Variants in PCDH9 observed in about 807,000 individuals in gnomAD.
PCDH9 encodes the protein protocadherin-9.
In PCDH9, 24 loss-of-function variants were observed where a neutral mutation model predicts 70.6. The observed-to-expected ratio is 0.34, with a 90% CI of 0.25 to 0.48. The LOEUF is 0.48. Among genes scored for constraint, PCDH9 ranks in the 20% least tolerant of loss-of-function variants. PCDH9 has a pLI of 0.99. For missense variants in PCDH9, 1,281 were observed against 1,503.6 expected (o/e 0.85, Z 2.45); for synonymous variants, 562 against 558.5 (o/e 1.01, Z -0.09).
At chr13:67,168,801 C>T (rs570131283) in intron 2 of PCDH9, among the ~76,000 whole-genome samples, 1 of 152,264 alleles carries the variant, frequency 6.6e-6, no homozygotes, top group Admixed American at 6.5e-5. Context: ...TTATCAATTA[C>T]AATCATTTAA....
chr13:67,007,102 T>C (rs112727203), intron 2 of PCDH9, among the ~76,000 whole-genome samples: 201 of 138,932 alleles, frequency 1.4e-3, no homozygotes, highest in African/African-American at 4.8e-3. Flanking sequence ...TCAAAACTTA[T>C]TCTGAATTTT....
intron 3 of PCDH9, among the ~76,000 whole-genome samples, chr13:66,881,746 C>G (rs980976227): frequency 6.6e-6 from 1 of 152,040 alleles, no homozygotes; most frequent in African/African-American, 2.4e-5. Context: ...ATTTCCAATG[C>G]CTTCTATAAA....
chr13:67,069,169 A>T (rs933130211), intron 2 of PCDH9, among the ~76,000 whole-genome samples: 3 of 152,170 alleles, frequency 2.0e-5, no homozygotes, highest in Non-Finnish European at 4.4e-5. Context: ...AATTTTCATA[A>T]AACTTTATCA....
At chr13:66,429,939 T>C (rs1033454856) in intron 4 of PCDH9, among the ~76,000 whole-genome samples, 1 of 152,016 alleles carries the variant, frequency 6.6e-6, no homozygotes, top group African/African-American at 2.4e-5. Flanking sequence ...GATCTTCCTC[T>C]TTACCCATAA....
In PCDH9 at chr13:67,203,576, T is replaced by A. The variant is rs577389116; in HGVS notation, c.3036+21829A>T. On this transcript the variant is annotated intron_variant, in intron 2 of 4. Coordinates refer to ENST00000377865, the MANE Select transcript of PCDH9 (RefSeq NM_203487.3). Reference sequence around the variant, plus strand: ...TGTAAAGGTGATACCAAATAAGTCATTTTAATATTGCTGTAGTTTACTTTT... The same window carrying A: ...TGTAAAGGTGATACCAAATAAGTCAATTTAATATTGCTGTAGTTTACTTTT... The A allele has an allele frequency of 4.6e-5, 7 of 152,144 alleles. No homozygotes were observed. The East Asian group carries it at 1.3e-3, about 29-fold the overall frequency. The allele number at this position is 152,144 out of a possible 1,614,324, so 9.4% of individuals were successfully genotyped here.
At chr13:67,043,503 A>G (rs2085163073) in intron 2 of PCDH9, among the ~76,000 whole-genome samples, 1 of 152,150 alleles carries the variant, frequency 6.6e-6, no homozygotes, top group African/African-American at 2.4e-5. Flanking sequence ...ATACAGGGAT[A>G]AAATATATAG....
intron 4 of PCDH9, among the ~76,000 whole-genome samples, chr13:66,462,488 T>C (rs1958443062): frequency 6.6e-6 from 1 of 151,860 alleles, no homozygotes; most frequent in South Asian, 2.1e-4. Flanking sequence ...AAATTATCTA[T>C]GATCACATCT....
chr13:66,363,320 AT>A (rs1442499126), intron 4 of PCDH9, among the ~76,000 whole-genome samples: 5 of 152,186 alleles, frequency 3.3e-5, no homozygotes, highest in Non-Finnish European at 2.9e-5. Flanking sequence ...GAAATTTAGG[AT>A]ACAATATATT....
chr13:66,482,345 A>G (rs1958856406), intron 4 of PCDH9, among the ~76,000 whole-genome samples: 1 of 152,194 alleles, frequency 6.6e-6, no homozygotes, highest in African/African-American at 2.4e-5. Context: ...AGTTCCAGGA[A>G]TAACATCTGA....
intron 3 of PCDH9, among the ~76,000 whole-genome samples, chr13:66,778,462 C>T (rs1159546965): frequency 1.3e-5 from 2 of 152,086 alleles, no homozygotes; most frequent in African/African-American, 2.4e-5. Context: ...CGTCTCATTC[C>T]TCTATCATGG....
At chr13:66,638,946 A>G (rs574779136) in intron 3 of PCDH9, among the ~76,000 whole-genome samples, 16 of 152,310 alleles carry the variant, frequency 1.1e-4, no homozygotes, top group African/African-American at 2.9e-4. Flanking sequence ...GAAGATTTGG[A>G]GACAAATGGG....
chr13:67,046,579 T>C (rs1432401908), intron 2 of PCDH9, among the ~76,000 whole-genome samples: 5 of 151,982 alleles, frequency 3.3e-5, no homozygotes, highest in Admixed American at 2.0e-4. Flanking sequence ...GGATCTAGGA[T>C]TTTTTTTCAT....
At chr13:66,551,173 A>G (rs1205717443) in intron 4 of PCDH9, among the ~76,000 whole-genome samples, 1 of 152,066 alleles carries the variant, frequency 6.6e-6, no homozygotes, top group African/African-American at 2.4e-5. Flanking sequence ...CTTTACTTTG[A>G]GGTGATGTGT....
chr13:67,141,435 T>C (rs1324151304), intron 2 of PCDH9, among the ~76,000 whole-genome samples: 5 of 150,970 alleles, frequency 3.3e-5, no homozygotes, highest in African/African-American at 1.2e-4. Context: ...CTCTCTCTCT[T>C]TATTTTATTA....
At chr13:66,669,349 C>A (rs1404974994) in intron 3 of PCDH9, among the ~76,000 whole-genome samples, 2 of 152,130 alleles carry the variant, frequency 1.3e-5, no homozygotes, top group Admixed American at 1.3e-4. Context: ...GAAGATGAAC[C>A]AGTTTCCAGC....
At chr13:66,462,192 G>A (rs1345636567) in intron 4 of PCDH9, among the ~76,000 whole-genome samples, 1 of 151,748 alleles carries the variant, frequency 6.6e-6, no homozygotes, top group African/African-American at 2.4e-5. Context: ...GAAAAAAACT[G>A]CACACAGTGC....
chr13:66,403,409 A>G (rs556797109), intron 4 of PCDH9, among the ~76,000 whole-genome samples: 7 of 152,190 alleles, frequency 4.6e-5, no homozygotes, highest in African/African-American at 1.7e-4. Context: ...AGCTTCCCAA[A>G]GTTTGGATGT....
At chr13:66,333,151 G>T (rs1303172167) in intron 4 of PCDH9, among the ~76,000 whole-genome samples, 1 of 152,104 alleles carries the variant, frequency 6.6e-6, no homozygotes, top group African/African-American at 2.4e-5. Flanking sequence ...AATGTAAAAA[G>T]ACAAGAATGA....
intron 2 of PCDH9, among the ~76,000 whole-genome samples, chr13:67,135,443 A>G (rs1219006733): frequency 1.3e-5 from 2 of 152,066 alleles, no homozygotes; most frequent in African/African-American, 4.8e-5. Context: ...ATCTCATTTT[A>G]TAATAAGCAT....
Sources: allele counts gnomAD v4.1 joint callset (sites outside exome capture counted in the v4.1 genomes callset), GRCh38; gene constraint gnomAD v4.1.1; transcripts MANE v1.5; gene names NCBI Gene and HGNC (gene_info 2026-07-23, HGNC 2026-07-21).